Variants in CEP70 observed in about 807,000 individuals in gnomAD.
CEP70 encodes the protein centrosomal protein 70.
CEP70 carries 70 observed loss-of-function variants against 90.9 expected under a neutral mutation model. The observed-to-expected ratio is 0.77, with a 90% CI of 0.64 to 0.94. The LOEUF is 0.94. Among genes scored for constraint, CEP70 ranks in the 40% least tolerant of loss-of-function variants. CEP70 has a pLI of 0.00. For synonymous variants in CEP70, 220 were observed against 228.3 expected (o/e 0.96, Z 0.33); for missense variants, 648 against 669.0 (o/e 0.97, Z 0.35).
Position 138,537,221 on chromosome 3 carries a change from C to G in CEP70, c.592G>C (p.Ala198Pro), listed in dbSNP as rs1206875917. 6.2e-7 allele frequency: 1 copy of G among 1,601,644 alleles called. No individual in the cohort carries two copies. The highest frequency in any genetic ancestry group is 1.7e-5 in the Admixed American group (1 of 57,674). Residue 198 changes from alanine to proline, a missense_variant, in exon 7 of 18, where the codon GCC becomes CCC. By Grantham distance (27) the Ala-to-Pro change is conservative. Coordinates refer to ENST00000264982, the MANE Select transcript of CEP70 (RefSeq NM_024491.4). Reference protein sequence around the residue: ...DRIVTQNRVFAYLCKRVPHTV... With the variant: ...DRIVTQNRVFPYLCKRVPHTV... Reference sequence around the variant, plus strand: ...TGAGGAACTCTTTTGCACAGATAGGCAAACACTCTGTTTTGAGTGACAATG... The same window carrying G: ...TGAGGAACTCTTTTGCACAGATAGGGAAACACTCTGTTTTGAGTGACAATG...
chr3:138,570,525 C>T lies in CEP70; in HGVS notation c.285-27G>A, dbSNP rs768257813. 1.4e-5 allele frequency: 21 copies of T among 1,544,524 alleles called. No homozygotes were observed. The Admixed American group carries it at 2.5e-4, about 19-fold the overall frequency. On this transcript the variant is annotated intron_variant, in intron 5 of 17. Transcript: ENST00000264982. The stretch of plus-strand genomic sequence containing the variant: ...TAAGTTAATAGACATACAATTTCTT[C>T]CCTTAGTATTAAAAATAAATCGAAT...
intron 6 of CEP70, among the ~76,000 whole-genome samples, chr3:138,556,614 G>A (rs553802605): frequency 5.3e-5 from 8 of 150,758 alleles, no homozygotes; most frequent in East Asian, 1.9e-4. Context: ...CCTAAGCATC[G>A]TCCGGGTTGA....
rs149679373 is a variant in CEP70 at position 138,495,021 on chromosome 3, T to G, written c.1788A>C (p.Ser596=). 3.4e-6 allele frequency: 5 copies of G among 1,485,562 alleles called. No homozygotes were observed. The African/African-American group carries it at 5.6e-5, about 17-fold the overall frequency. The allele number at this position is 1,485,562 out of a possible 1,614,324, so 92.0% of individuals were successfully genotyped here. ...VPAVKKLKVL[S]Y is the part of the protein sequence containing the mutation. ...AAAATGATTTGATTTGTTTTCAGTA[T>G]GAAAGTACTTTTAATTTCTTTACTG... Residue 596 remains serine, a synonymous_variant, in exon 18 of 18, where the codon TCA becomes TCC. Transcript: ENST00000264982.
chr3:138,526,527 C>T (rs1346087666), intron 10 of CEP70, among the ~76,000 whole-genome samples: 1 of 152,114 alleles, frequency 6.6e-6, no homozygotes, highest in Non-Finnish European at 1.5e-5. Flanking sequence ...GAGTTTGGGA[C>T]AGTGTCTAAC....
intron 2 of CEP70, among the ~76,000 whole-genome samples, chr3:138,579,050 CAGAG>C (rs1318524234): frequency 6.6e-6 from 1 of 152,102 alleles, no homozygotes; most frequent in Non-Finnish European, 1.5e-5. Flanking sequence ...CCATGTGGCG[CAGAG>C]AGAGAATCTG....
rs138226184 is a variant in CEP70 at position 138,556,121 on chromosome 3, A to T, written c.465+14197T>A. On this transcript the variant is annotated intron_variant, in intron 6 of 17. Coordinates refer to ENST00000264982, the MANE Select transcript of CEP70 (RefSeq NM_024491.4). Reference sequence around the variant, plus strand: ...TGAATGAATCAATGGCATTCGCAGCAATCTGGACAGGATTGTAGACTATTA... The same window carrying T: ...TGAATGAATCAATGGCATTCGCAGCTATCTGGACAGGATTGTAGACTATTA... Among the ~76,000 whole-genome samples, 857 of 152,328 alleles carry T rather than the reference A, an allele frequency of 5.6e-3. 7 individuals are homozygous for T. The highest frequency in any genetic ancestry group is 0.02 in the African/African-American group (825 of 41,562).
At chr3:138,513,826 T>C (rs1429941462) in intron 11 of CEP70, among the ~76,000 whole-genome samples, 1 of 152,164 alleles carries the variant, frequency 6.6e-6, no homozygotes, top group Non-Finnish European at 1.5e-5. Context: ...ACTTATTTAA[T>C]CACTTCCTAA....
chr3:138,517,175 A>G (rs1370501219), intron 11 of CEP70, among the ~76,000 whole-genome samples: 1 of 152,172 alleles, frequency 6.6e-6, no homozygotes, highest in Non-Finnish European at 1.5e-5. Context: ...ATAATTTTCT[A>G]TTTAAAATCT....
intron 12 of CEP70, 66 bp downstream of exon 12, chr3:138,508,373 C>CCT (rs1351350058): frequency 2.0e-6 from 2 of 1,012,172 alleles, no homozygotes; most frequent in Non-Finnish European, 3.2e-6. Flanking sequence ...ATTTATTACA[C>CCT]CACAACTGAT....
intron 11 of CEP70, among the ~76,000 whole-genome samples, chr3:138,518,538 C>G (rs2036284569): frequency 6.6e-6 from 1 of 152,192 alleles, no homozygotes; most frequent in Non-Finnish European, 1.5e-5. Flanking sequence ...ATCCGCTGTT[C>G]TGCAGCCTCT....
intron 11 of CEP70, among the ~76,000 whole-genome samples, chr3:138,519,598 G>A (rs1268912508): frequency 6.6e-6 from 1 of 152,118 alleles, no homozygotes; most frequent in East Asian, 1.9e-4. Context: ...CATAAGTGAA[G>A]GAGAAATAAA....
intron 2 of CEP70, among the ~76,000 whole-genome samples, chr3:138,573,674 T>C (rs1051433366): frequency 2.0e-5 from 3 of 152,202 alleles, no homozygotes; most frequent in African/African-American, 7.2e-5. Context: ...TGGGCGAGTT[T>C]AAACACAGAC....
chr3:138,522,314 T>C (rs1341486981), intron 11 of CEP70, among the ~76,000 whole-genome samples: 1 of 123,182 alleles, frequency 8.1e-6, no homozygotes, highest in Non-Finnish European at 1.8e-5. Flanking sequence ...AAAAAAGAAC[T>C]AGAGAAGCAA....
At chr3:138,567,344 C>T (rs984518117) in intron 6 of CEP70, among the ~76,000 whole-genome samples, 3 of 152,194 alleles carry the variant, frequency 2.0e-5, no homozygotes, top group African/African-American at 7.2e-5. Context: ...TTATTCTCCA[C>T]AGGCACTTTC....
At chr3:138,514,228 G>A (rs190472351) in intron 11 of CEP70, among the ~76,000 whole-genome samples, 31 of 152,220 alleles carry the variant, frequency 2.0e-4, no homozygotes, top group Non-Finnish European at 3.5e-4. Flanking sequence ...TTGGAATTTC[G>A]TCAAGGCTCC....
chr3:138,496,479 C>T, intron 17 of CEP70: 6 of 985,374 alleles, frequency 6.1e-6, no homozygotes, highest in Non-Finnish European at 7.2e-6. Context: ...CCTGACTCCG[C>T]CCCCTGCCCA....
chr3:138,495,853 C>CA (rs942938923), intron 17 of CEP70: 293 of 980,140 alleles, frequency 3.0e-4, no homozygotes, highest in South Asian at 1.1e-3. Context: ...GACTATGTCT[C>CA]AAAAAAAACA....
intron 11 of CEP70, among the ~76,000 whole-genome samples, chr3:138,515,373 T>C (rs2035907867): frequency 6.6e-6 from 1 of 151,148 alleles, no homozygotes; most frequent in South Asian, 2.1e-4. Flanking sequence ...ACAAGGCATA[T>C]TATAGCCTTC....
At chr3:138,593,755 C>G (rs1489336409) in intron 1 of CEP70, 1 of 152,154 alleles carries the variant, frequency 6.6e-6, no homozygotes, top group Admixed American at 6.5e-5. Flanking sequence ...GTCCTCACTC[C>G]CCAAACAACC....
Sources: allele counts gnomAD v4.1 joint callset (sites outside exome capture counted in the v4.1 genomes callset), GRCh38; gene constraint gnomAD v4.1.1; transcripts MANE v1.5; gene names NCBI Gene and HGNC (gene_info 2026-07-23, HGNC 2026-07-21).